The following REC114 variants were observed in gnomAD, a reference collection of about 807,000 sequenced individuals.
REC114 encodes meiotic recombination protein REC114.
In REC114, 27 loss-of-function variants were observed where a neutral mutation model predicts 31.3. The observed-to-expected ratio is 0.86, with a 90% CI of 0.64 to 1.19. REC114 has a LOEUF of 1.19. REC114 is among the 50% of genes most tolerant of loss of function. The pLI, the probability that REC114 is intolerant of heterozygous loss-of-function variation, is 0.00. For synonymous variants in REC114, 134 were observed against 127.7 expected (o/e 1.05, Z -0.33); for missense variants, 344 against 326.9 (o/e 1.05, Z -0.40).
At chr15:73,447,033 C>G (rs1377543555) in intron 1 of REC114, among the ~76,000 whole-genome samples, 1 of 151,942 alleles carries the variant, frequency 6.6e-6, no homozygotes, top group Non-Finnish European at 1.5e-5. Context: ...ATTTTGGAGA[C>G]CAAAATGAAA....
intron 1 of REC114, among the ~76,000 whole-genome samples, chr15:73,465,849 T>C (rs1265504243): frequency 6.6e-6 from 1 of 152,174 alleles, no homozygotes; most frequent in Non-Finnish European, 1.5e-5. Flanking sequence ...TATTTTATAT[T>C]GTGTTATTTT....
intron 3 of REC114, among the ~76,000 whole-genome samples, chr15:73,540,974 C>T (rs1473400244): frequency 6.6e-6 from 1 of 152,088 alleles, no homozygotes; most frequent in African/African-American, 2.4e-5. Flanking sequence ...TGCTTTCTAG[C>T]TGTATTAAGT....
chr15:73,474,067 G>A (rs778058291), intron 2 of REC114, 146 bp downstream of exon 2: 2 of 660,888 alleles, frequency 3.0e-6, no homozygotes, highest in South Asian at 1.8e-5. Context: ...TGCCATAATA[G>A]TGGGAAATAC....
At chr15:73,468,464 T>C (rs1254182396) in intron 1 of REC114, among the ~76,000 whole-genome samples, 1 of 152,206 alleles carries the variant, frequency 6.6e-6, no homozygotes, top group Non-Finnish European at 1.5e-5. Context: ...CTTATTCTAG[T>C]AAAATCAACT....
intron 2 of REC114, among the ~76,000 whole-genome samples, chr15:73,519,370 G>A (rs902421077): frequency 1.3e-5 from 2 of 152,120 alleles, no homozygotes; most frequent in Non-Finnish European, 2.9e-5. Flanking sequence ...GAATCTGCCA[G>A]CACCTTGATC....
At chr15:73,527,813 C>T (rs181991029) in intron 2 of REC114, among the ~76,000 whole-genome samples, 1 of 152,260 alleles carries the variant, frequency 6.6e-6, no homozygotes, top group East Asian at 1.9e-4. Flanking sequence ...TTCCTGTGAC[C>T]TTCCAAATAT....
At chr15:73,537,373 ATG>A (rs1164032110) in intron 2 of REC114, among the ~76,000 whole-genome samples, 1 of 152,220 alleles carries the variant, frequency 6.6e-6, no homozygotes, top group Admixed American at 6.5e-5. Flanking sequence ...GAACAAATCG[ATG>A]AAGAGCCATA....
chr15:73,501,607 G>A (rs145526220), intron 2 of REC114, among the ~76,000 whole-genome samples: 1 of 152,262 alleles, frequency 6.6e-6, no homozygotes, highest in African/African-American at 2.4e-5. Flanking sequence ...ACCACACCCA[G>A]CTAATTTTTG....
chr15:73,449,265 AT>A (rs1385966400), intron 1 of REC114, among the ~76,000 whole-genome samples: 4 of 152,150 alleles, frequency 2.6e-5, no homozygotes, highest in Admixed American at 1.3e-4. Flanking sequence ...GGTTAGATGA[AT>A]TGCTAACTAG....
chr15:73,511,327 T>C (rs1405214996), intron 2 of REC114, among the ~76,000 whole-genome samples: 2 of 151,516 alleles, frequency 1.3e-5, no homozygotes, highest in African/African-American at 4.8e-5. Context: ...ATTTGATTCT[T>C]CTCTCTTTTT....
At chr15:73,522,624 TCTAA>T (rs1207497811) in intron 2 of REC114, among the ~76,000 whole-genome samples, 1 of 152,230 alleles carries the variant, frequency 6.6e-6, no homozygotes, top group East Asian at 1.9e-4. Flanking sequence ...GTTCATTTTC[TCTAA>T]CTGTTGAGTT....
chr15:73,484,622 CAA>C (rs1893342167), intron 2 of REC114, among the ~76,000 whole-genome samples: 1 of 152,152 alleles, frequency 6.6e-6, no homozygotes, highest in Admixed American at 6.5e-5. Context: ...TTGCAGAAGC[CAA>C]AGTTTCAAGC....
In REC114 at chr15:73,464,419, G is replaced by A. The variant is rs149515289; in HGVS notation, c.160-9413G>A. ...GTCTCCTCTAGCAGCTTGTTCCCCC[G>A]GGAGCCTCGTGTTTTGGGTTTTCTG... On this transcript the variant is annotated intron_variant, in intron 1 of 5. Coordinates refer to ENST00000331090, the MANE Select transcript of REC114 (RefSeq NM_001042367.2). Among the ~76,000 whole-genome samples the A allele has an allele frequency of 4.3e-4, 66 of 151,892 alleles. No homozygotes were observed. In the East Asian group the frequency reaches 0.012, roughly 28 times the overall value.
chr15:73,482,577 A>G lies in REC114; in HGVS notation c.249+8656A>G, dbSNP rs535849465. On this transcript the variant is annotated intron_variant, in intron 2 of 5. Transcript: ENST00000331090. ...TATAGCAATGTAAAAACAGCCTCTA[A>G]TACAAGAGGAATCATACAGTATTTG... Among the ~76,000 whole-genome samples the G allele has an allele frequency of 1.2e-4, 19 of 152,350 alleles. No individual in the cohort carries two copies. The South Asian group carries it at 3.9e-3, about 32-fold the overall frequency.
At chr15:73,495,439 A>G (rs960739626) in intron 2 of REC114, among the ~76,000 whole-genome samples, 2 of 151,726 alleles carry the variant, frequency 1.3e-5, no homozygotes, top group African/African-American at 4.8e-5. Flanking sequence ...GATATGTTCT[A>G]TCCTCAGTGT....
intron 1 of REC114, among the ~76,000 whole-genome samples, chr15:73,455,866 G>A (rs1892908064): frequency 6.6e-6 from 1 of 152,162 alleles, no homozygotes. Flanking sequence ...AATAGGTCTG[G>A]TATGGGGAAT....
chr15:73,472,139 A>T (rs1015769206), intron 1 of REC114, among the ~76,000 whole-genome samples: 1 of 152,234 alleles, frequency 6.6e-6, no homozygotes, highest in Non-Finnish European at 1.5e-5. Flanking sequence ...AAAACATTAA[A>T]CTATCATGTT....
intron 1 of REC114, among the ~76,000 whole-genome samples, chr15:73,455,283 A>G (rs904637336): frequency 5.1e-4 from 78 of 152,210 alleles, no homozygotes; most frequent in African/African-American, 1.8e-3. Flanking sequence ...CAGTAAAAAA[A>G]GAGGTTAGGT....
chr15:73,470,360 T>C (rs976645884), intron 1 of REC114, among the ~76,000 whole-genome samples: 23 of 152,238 alleles, frequency 1.5e-4, no homozygotes, highest in African/African-American at 5.5e-4. Context: ...TTCATTCTTT[T>C]GTGGAGATCT....
Sources: allele counts gnomAD v4.1 joint callset (sites outside exome capture counted in the v4.1 genomes callset), GRCh38; gene constraint gnomAD v4.1.1; transcripts MANE v1.5; gene names NCBI Gene and HGNC (gene_info 2026-07-23, HGNC 2026-07-21).